The following MATN2 variants were observed in gnomAD, a reference collection of about 807,000 sequenced individuals.
MATN2 encodes the protein matrilin-2.
A neutral mutation model predicts 103.2 loss-of-function variants in MATN2; 69 were observed. The observed-to-expected ratio is 0.67, with a 90% confidence interval of 0.55 to 0.82. MATN2 has a LOEUF of 0.82. Among genes scored for constraint, MATN2 ranks in the 40% least tolerant of loss-of-function variants. MATN2 has a pLI of 0.00. For synonymous variants in MATN2, 429 were observed against 450.2 expected, an observed-to-expected ratio of 0.95 and a Z score of 0.60; for missense variants, 1,023 against 1,211.5, an observed-to-expected ratio of 0.84 and a Z score of 2.31.
intron 2 of MATN2, among the ~76,000 whole-genome samples, chr8:97,895,117 C>T (rs749238436): frequency 2.0e-5 from 3 of 152,188 alleles, no homozygotes; most frequent in Non-Finnish European, 2.9e-5. Flanking sequence ...ATGTGATCTG[C>T]CCACCTAGGC....
intron 1 of MATN2, among the ~76,000 whole-genome samples, chr8:97,878,134 A>G (rs915690408): frequency 2.0e-5 from 3 of 152,248 alleles, no homozygotes; most frequent in Non-Finnish European, 4.4e-5. Flanking sequence ...TTAACACATT[A>G]TTTTATAACT....
chr8:97,924,498 C>T (rs1469973254), intron 2 of MATN2, among the ~76,000 whole-genome samples: 4 of 152,172 alleles, frequency 2.6e-5, no homozygotes, highest in Non-Finnish European at 5.9e-5. Flanking sequence ...TATTTGACTA[C>T]TGTCCAGACT....
At chr8:97,875,208 GAGA>G (rs1328852574) in intron 1 of MATN2, among the ~76,000 whole-genome samples, 1 of 152,148 alleles carries the variant, frequency 6.6e-6, no homozygotes, top group Non-Finnish European at 1.5e-5. Context: ...CACAGGACCT[GAGA>G]AGGAGTTCCA....
intron 2 of MATN2, among the ~76,000 whole-genome samples, chr8:97,923,180 G>C (rs757518614): frequency 2.0e-4 from 29 of 143,186 alleles, no homozygotes; most frequent in Non-Finnish European, 2.8e-4. Context: ...ATGGCTTGCT[G>C]TCTCTCTCTC....
intron 1 of MATN2, among the ~76,000 whole-genome samples, chr8:97,875,785 T>A (rs563544180): frequency 8.1e-6 from 1 of 123,580 alleles, no homozygotes; most frequent in East Asian, 2.8e-4. Flanking sequence ...AAGCTCCACC[T>A]CCCAGGTTCA....
Position 98,018,038 on chromosome 8 carries a change from TG to T in MATN2, c.1742del (p.Cys581LeufsTer2), listed in dbSNP as rs746201210. 1 of 1,613,906 alleles carries T rather than the reference TG, an allele frequency of 6.2e-7. No individual in the cohort carries two copies. The highest frequency in any genetic ancestry group is 1.1e-5 in the South Asian group (1 of 91,080). ...QAIDHGCEHI[C>X]VNSDDSYTCE... ...TATAGACCATGGCTGTGAACACATT[TG>T]TGTGAACAGTGATGACTCATACACG... On this transcript the variant is annotated frameshift_variant, in exon 12 of 19. Transcript: ENST00000254898. LOFTEE classifies it high-confidence loss of function.
chr8:98,015,930 A>G, intron 10 of MATN2, among the ~76,000 whole-genome samples: 1 of 152,070 alleles, frequency 6.6e-6, no homozygotes, highest in East Asian at 1.9e-4. Context: ...TAATATATAC[A>G]TACATACATA....
chr8:97,883,480 C>T (rs187334674), intron 1 of MATN2, among the ~76,000 whole-genome samples: 226 of 151,588 alleles, frequency 1.5e-3, no homozygotes, highest in African/African-American at 5.3e-3. Flanking sequence ...CTCGACCTCT[C>T]GGGCTCAAGC....
chr8:98,034,075 T>A, intron 18 of MATN2: 1 of 427,758 alleles, frequency 2.3e-6, no homozygotes, highest in South Asian at 1.6e-5. Flanking sequence ...TACTCCAAAC[T>A]TTTCCTTTAG....
chr8:97,980,660 G>A (rs1338941833), intron 6 of MATN2, among the ~76,000 whole-genome samples: 1 of 149,956 alleles, frequency 6.7e-6, no homozygotes, highest in African/African-American at 2.5e-5. Context: ...CACCTCCTGG[G>A]TTCAAGCGAT....
At chr8:98,029,303 GC>G (rs1246513373) in intron 14 of MATN2, among the ~76,000 whole-genome samples, 1 of 152,144 alleles carries the variant, frequency 6.6e-6, no homozygotes, top group Admixed American at 6.5e-5. Flanking sequence ...AAACTCATAG[GC>G]CCCCTAGTCT....
chr8:97,995,868 A>C (rs1812567456), intron 7 of MATN2, among the ~76,000 whole-genome samples: 1 of 152,256 alleles, frequency 6.6e-6, no homozygotes, highest in Non-Finnish European at 1.5e-5. Context: ...TTCAAGCATT[A>C]AATGAAAATT....
chr8:97,900,899 C>T (rs1818958656), intron 2 of MATN2, among the ~76,000 whole-genome samples: 1 of 152,164 alleles, frequency 6.6e-6, no homozygotes, highest in Non-Finnish European at 1.5e-5. Context: ...AGCGCCACTG[C>T]ACTCCAGCCT....
chr8:97,912,309 C>T (rs1202633624), intron 2 of MATN2, among the ~76,000 whole-genome samples: 1 of 152,142 alleles, frequency 6.6e-6, no homozygotes, highest in Non-Finnish European at 1.5e-5. Flanking sequence ...GCCTAGAAAC[C>T]AAGTCACCAA....
chr8:98,006,395 G>A (rs751204042), intron 8 of MATN2, among the ~76,000 whole-genome samples: 29 of 152,118 alleles, frequency 1.9e-4, no homozygotes, highest in Non-Finnish European at 3.7e-4. Flanking sequence ...TGTTCTGAGC[G>A]CTTTACATAA....
rs188802054 is a variant in MATN2 at position 97,878,783 on chromosome 8, G to A, written c.-26-9292G>A. Among the ~76,000 whole-genome samples, 434 of 152,116 alleles carry A rather than the reference G, an allele frequency of 2.9e-3. 3 individuals carry two copies. Among genetic ancestry groups the A allele is most frequent in the African/African-American group, 9.7e-3 (404 of 41,506 alleles). The stretch of plus-strand genomic sequence containing the variant: ...GGAGAGTCACTTGAATCTAGGAGGT[G>A]GAGGTTGCAGTGAGCCGAGATCATG... On this transcript the variant is annotated intron_variant, in intron 1 of 18. Transcript: ENST00000254898.
chr8:98,035,648 G>A lies in MATN2; in HGVS notation c.2816-9G>A. The A allele has an allele frequency of 6.5e-7, 1 of 1,535,644 alleles. No homozygotes were observed. The highest frequency in any genetic ancestry group is 1.7e-5 in the Admixed American group (1 of 57,422). ...GACAATTCTTCATCTTCCTTAATTT[G>A]AGATTTACTAGAAGAAATGACACAG... On this transcript the variant is annotated splice_polypyrimidine_tract_variant and intron_variant, in intron 18 of 18. Transcript: ENST00000254898.
intron 13 of MATN2, among the ~76,000 whole-genome samples, chr8:98,023,958 C>T (rs1813693029): frequency 6.6e-6 from 1 of 152,140 alleles, no homozygotes; most frequent in African/African-American, 2.4e-5. Flanking sequence ...CCAAACACTG[C>T]ATGTTCTCAG....
At position 97,961,480 on chromosome 8, in the gene MATN2, G is replaced by T; in HGVS notation, c.908G>T (p.Cys303Phe). 6.2e-7 allele frequency: 1 copy of T among 1,613,788 alleles called. No individual in the cohort carries two copies. Among genetic ancestry groups the T allele is most frequent in the Non-Finnish European group, 8.5e-7 (1 of 1,179,792 alleles). ...GTGAATGTGCCGGGCTCCTTCGTCT[G>T]CCAGTGCTACAGTGGCTACGCCCTG... ...LCVNVPGSFV[C>F]QCYSGYALAE... The change falls in exon 5 of 19, where the codon TGC becomes TTC. Residue 303 changes from cysteine (C) to phenylalanine (F), a missense_variant. Coordinates refer to ENST00000254898, the MANE Select transcript of MATN2 (RefSeq NM_002380.5).
Sources: gnomAD v4.1 joint callset for allele counts (sites outside exome capture counted in the v4.1 genomes callset) on GRCh38, gnomAD v4.1.1 for gene constraint, MANE v1.5 for transcripts, NCBI Gene and HGNC (gene_info 2026-07-23, HGNC 2026-07-21) for gene names.